Variants in GNAL observed in about 807,000 individuals in gnomAD.
GNAL encodes the protein guanine nucleotide-binding protein G(olf) subunit alpha.
Under a neutral mutation model 55.1 loss-of-function variants are expected in GNAL, and 18 were observed. The ratio of observed to expected loss-of-function variants is 0.33; its 90% CI spans 0.23 to 0.48. The LOEUF is 0.48. GNAL is among the 20% of genes least tolerant of loss of function. The pLI, the probability that GNAL is intolerant of heterozygous loss-of-function variation, is 0.99. For synonymous variants in GNAL, 253 were observed against 237.0 expected (o/e 1.07, Z -0.62); for missense variants, 412 against 614.1 (o/e 0.67, Z 3.48).
Position 11,751,603 on chromosome 18 carries a change from G to A in GNAL, c.377-1250G>A. Reference sequence around the variant, plus strand: ...AGCAGGGACGCGTCCGAGCCAACACGGGGCGCGCGCCCAGACGCACTTTCC... The same window carrying A: ...AGCAGGGACGCGTCCGAGCCAACACAGGGCGCGCGCCCAGACGCACTTTCC... On this transcript the variant is annotated intron_variant, in intron 1 of 11. Transcript: ENST00000334049. The surrounding 1 kb of genome is among the most constrained non-coding windows in gnomAD (Gnocchi z 4.5). 1 of 985,502 alleles carries A rather than the reference G, an allele frequency of 1.0e-6. No individual in the cohort carries two copies. Among genetic ancestry groups the A allele is most frequent in the Non-Finnish European group, 1.2e-6 (1 of 829,968 alleles). The allele number at this position is 985,502 out of a possible 1,614,324, so 61.0% of individuals were successfully genotyped here.
chr18:11,797,971 G>A (rs749922741), intron 4 of GNAL, among the ~76,000 whole-genome samples: 9 of 152,300 alleles, frequency 5.9e-5, no homozygotes, highest in Admixed American at 2.6e-4. Context: ...GTGCTGTTAT[G>A]AACATTATAA....
rs2036305260 is a variant in GNAL at position 11,868,020 on chromosome 18, G to A, written c.911-523G>A. Among the ~76,000 whole-genome samples, 1 of 152,118 alleles carries A rather than the reference G, an allele frequency of 6.6e-6. No homozygotes were observed. Among genetic ancestry groups the A allele is most frequent in the African/African-American group, 2.4e-5 (1 of 41,410 alleles). ...CACACCTTTAATCCCAGCTACTCGGGAGGCTGAGGCAGGAGAATCACCTGA... is the reference window on the plus strand; with the variant it reads ...CACACCTTTAATCCCAGCTACTCGGAAGGCTGAGGCAGGAGAATCACCTGA... On this transcript the variant is annotated intron_variant, in intron 8 of 11. Coordinates refer to ENST00000334049, the MANE Select transcript of GNAL (RefSeq NM_182978.4). This position sits in a 1 kb window ranked among gnomAD's most constrained non-coding sequence, Gnocchi z 4.0.
At position 11,885,534 on chromosome 18, in the gene GNAL, T is replaced by A. The variant is rs1567922021; in HGVS notation, c.*4399T>A. 2 of 949,744 alleles carry A rather than the reference T, an allele frequency of 2.1e-6. No individual in the cohort carries two copies. Among genetic ancestry groups the A allele is most frequent in the Admixed American group, 5.1e-5 (2 of 39,430 alleles). 58.8% of individuals were successfully genotyped at this position (949,744 alleles called of 1,614,324 possible). A position where few individuals can be genotyped will look rare whatever the true frequency, so the allele number is the denominator to read the frequency against. ...CGGAAGGGTGTTTGGCAAGGGGCAG[T>A]GTATGGAGCTACGTGTAGAAGGAGA... On this transcript the variant is annotated 3_prime_UTR_variant, in exon 12 of 12. Transcript: ENST00000334049.
chr18:11,849,593 A>G (rs1375942737), intron 5 of GNAL, among the ~76,000 whole-genome samples: 1 of 152,162 alleles, frequency 6.6e-6, no homozygotes, highest in Non-Finnish European at 1.5e-5. Flanking sequence ...GCAAACTCCA[A>G]GAAAAACCAG....
chr18:11,756,209 A>G (rs992573857), intron 4 of GNAL, among the ~76,000 whole-genome samples: 2 of 152,224 alleles, frequency 1.3e-5, no homozygotes, highest in African/African-American at 4.8e-5. Flanking sequence ...AGGAATCCAA[A>G]ACATCTAATT....
intron 5 of GNAL, among the ~76,000 whole-genome samples, chr18:11,839,791 G>A (rs1327469806): frequency 6.6e-6 from 1 of 152,188 alleles, no homozygotes; most frequent in Non-Finnish European, 1.5e-5. Context: ...AAGCGTTCTA[G>A]CTCAGAGAAA....
chr18:11,821,911 C>A (rs2035103295), intron 4 of GNAL, among the ~76,000 whole-genome samples: 1 of 152,276 alleles, frequency 6.6e-6, no homozygotes, highest in Non-Finnish European at 1.5e-5. Flanking sequence ...CGAGGCCAGG[C>A]CGGCATCCAG....
At chr18:11,734,148 C>CTTTTTTT (rs545091797) in intron 1 of GNAL, among the ~76,000 whole-genome samples, 2 of 137,190 alleles carry the variant, frequency 1.5e-5, no homozygotes, top group African/African-American at 2.7e-5. Flanking sequence ...TTTTCTTTTT[C>CTTTTTTT]TTTTTTTTTT....
chr18:11,851,525 A>G, intron 5 of GNAL: 1 of 1,595,102 alleles, frequency 6.3e-7, no homozygotes, highest in Non-Finnish European at 8.5e-7. Context: ...TCTAACATGG[A>G]GAAACACCTG....
rs73397875 is a variant in GNAL, at chr18:11,751,108, A to G, written c.377-1745A>G. Among the ~76,000 whole-genome samples, 1,621 of 152,218 alleles carry G rather than the reference A, an allele frequency of 0.011. 13 individuals carry two copies. The highest frequency in any genetic ancestry group is 0.022 in the African/African-American group (895 of 41,528). Reference sequence around the variant, plus strand: ...CGACAGAGCTGAGCAAAGGCAAGTTAGACAGCGCAGCGCCAAGCCCGAGAC... The same window carrying G: ...CGACAGAGCTGAGCAAAGGCAAGTTGGACAGCGCAGCGCCAAGCCCGAGAC... On this transcript the variant is annotated intron_variant, in intron 1 of 11. Coordinates refer to ENST00000334049, the MANE Select transcript of GNAL (RefSeq NM_182978.4). This position sits in a 1 kb window ranked among gnomAD's most constrained non-coding sequence, Gnocchi z 4.5.
chr18:11,828,759 G>T (rs2035310974), intron 5 of GNAL, among the ~76,000 whole-genome samples: 1 of 152,140 alleles, frequency 6.6e-6, no homozygotes, highest in African/African-American at 2.4e-5. Flanking sequence ...CATGGAAAAA[G>T]AAATGGTGTG....
chr18:11,700,382 G>GCA lies in GNAL; in HGVS notation c.376+10453_376+10454dup, dbSNP rs200568650. Among the ~76,000 whole-genome samples, 538 of 152,304 alleles carry GCA rather than the reference G, an allele frequency of 3.5e-3. 3 individuals are homozygous for GCA. The highest frequency in any genetic ancestry group is 0.013 in the African/African-American group (521 of 41,554). The stretch of plus-strand genomic sequence containing the variant: ...GAAGTGTTAGCACCTGACGGGAGGG[G>GCA]CACACACACACTGCTCCTGCAGGCC... On this transcript the variant is annotated intron_variant, in intron 1 of 11. Transcript: ENST00000334049.
At chr18:11,829,012 G>A (rs1245119164) in intron 5 of GNAL, among the ~76,000 whole-genome samples, 1 of 152,188 alleles carries the variant, frequency 6.6e-6, no homozygotes, top group Admixed American at 6.5e-5. Flanking sequence ...AGGTGCCTAC[G>A]ATCACAGTTA....
intron 4 of GNAL, among the ~76,000 whole-genome samples, chr18:11,757,112 C>T (rs1156568051): frequency 2.6e-5 from 4 of 152,076 alleles, no homozygotes; most frequent in Non-Finnish European, 5.9e-5. Context: ...GAATATTGCA[C>T]ATGGGGGAAA....
chr18:11,744,448 A>G (rs1002527360), intron 1 of GNAL, among the ~76,000 whole-genome samples: 2 of 152,216 alleles, frequency 1.3e-5, no homozygotes, highest in African/African-American at 4.8e-5. Flanking sequence ...TAATTAGGTC[A>G]CAGAATGATC....
intron 4 of GNAL, among the ~76,000 whole-genome samples, chr18:11,816,863 G>T (rs1172035512): frequency 6.6e-6 from 1 of 151,504 alleles, no homozygotes; most frequent in Non-Finnish European, 1.5e-5. Context: ...GTAACAAAAT[G>T]GATGAATTTC....
intron 5 of GNAL, among the ~76,000 whole-genome samples, chr18:11,827,306 A>G (rs1239167549): frequency 6.6e-6 from 1 of 152,216 alleles, no homozygotes; most frequent in Non-Finnish European, 1.5e-5. Context: ...TTTTTAATTA[A>G]TGAAAAAAGT....
intron 5 of GNAL, among the ~76,000 whole-genome samples, chr18:11,836,661 A>T (rs2035504738): frequency 6.6e-6 from 1 of 152,208 alleles, no homozygotes; most frequent in South Asian, 2.1e-4. Context: ...GGCACATAAG[A>T]TTACATAAGA....
chr18:11,800,100 A>G (rs2034484785), intron 4 of GNAL, among the ~76,000 whole-genome samples: 1 of 152,186 alleles, frequency 6.6e-6, no homozygotes, highest in African/African-American at 2.4e-5. Context: ...CATTAGGTCA[A>G]CAACCTTCAA....
Sources: gnomAD v4.1 joint callset for allele counts (sites outside exome capture counted in the v4.1 genomes callset) on GRCh38, gnomAD v4.1.1 for gene constraint, Gnocchi (gnomAD v3.1) non-coding constraint, MANE v1.5 for transcripts, NCBI Gene and HGNC (gene_info 2026-07-23, HGNC 2026-07-21) for gene names.